The following MACROD2 variants were observed in gnomAD, a reference collection of about 807,000 sequenced individuals.
MACROD2 encodes the protein ADP-ribose glycohydrolase MACROD2.
In MACROD2, 36 loss-of-function variants were observed where a neutral mutation model predicts 70.4. The observed-to-expected ratio is 0.51, with a 90% CI of 0.39 to 0.68. The LOEUF (loss-of-function observed/expected upper bound fraction) is 0.68. MACROD2 is among the 30% of genes least tolerant of loss of function. The pLI, the probability that MACROD2 is intolerant of heterozygous loss-of-function variation, is 0.00. For missense variants in MACROD2, 496 were observed against 538.4 expected, an observed-to-expected ratio of 0.92 and a Z score of 0.78; for synonymous variants, 172 against 178.8, an observed-to-expected ratio of 0.96 and a Z score of 0.30.
intron 5 of MACROD2, among the ~76,000 whole-genome samples, chr20:14,829,014 T>G (rs1390598820): frequency 1.3e-5 from 2 of 151,634 alleles, no homozygotes; most frequent in Admixed American, 6.6e-5. Context: ...GGTAGTTTGC[T>G]GTGCCTATCA....
intron 3 of MACROD2, among the ~76,000 whole-genome samples, chr20:14,455,545 TGAG>T (rs1301455405): frequency 6.6e-6 from 1 of 151,774 alleles, no homozygotes; most frequent in African/African-American, 2.4e-5. Context: ...GTAAATTAGT[TGAG>T]GAGACAAGAG....
chr20:14,512,224 G>A (rs1416865103), intron 4 of MACROD2, among the ~76,000 whole-genome samples: 1 of 152,156 alleles, frequency 6.6e-6, no homozygotes, highest in African/African-American at 2.4e-5. Context: ...GGGGAAACTT[G>A]AGAGTGATTT....
In MACROD2 at chr20:15,191,935, G is replaced by T. The variant is rs566899511; in HGVS notation, c.419-38005G>T. Among the ~76,000 whole-genome samples the T allele has an allele frequency of 3.8e-4, 54 of 141,828 alleles. 1 individual carries two copies. The highest frequency in any genetic ancestry group is 5.7e-4 in the Non-Finnish European group (37 of 64,850). 93.0% of individuals were successfully genotyped at this position (141,828 alleles called of 152,430 possible). ...ATATGTGTATATATATATATATAGA[G>T]AGAGAGAGAGTTAATACATATATAC... On this transcript the variant is annotated intron_variant, in intron 5 of 17. Transcript: ENST00000684519.
At chr20:14,080,715 T>A (rs1289877425) in intron 2 of MACROD2, among the ~76,000 whole-genome samples, 1 of 151,992 alleles carries the variant, frequency 6.6e-6, no homozygotes, top group Non-Finnish European at 1.5e-5. Context: ...GTTGTCAACC[T>A]ATAAACTGGA....
At position 14,034,842 on chromosome 20, in the gene MACROD2, G is replaced by C. The variant is rs1300022598; in HGVS notation, c.163+32438G>C. Among the ~76,000 whole-genome samples the C allele has an allele frequency of 2.6e-5, 4 of 152,086 alleles. No individual in the cohort carries two copies. The East Asian group carries it at 7.7e-4, about 29-fold the overall frequency. ...GAACTAAGAGTTCATTGTACATTAAGAAAATTACCTTTAATCATATGTATT... is the reference window on the plus strand; with the variant it reads ...GAACTAAGAGTTCATTGTACATTAACAAAATTACCTTTAATCATATGTATT... On this transcript the variant is annotated intron_variant, in intron 2 of 17. Coordinates refer to ENST00000684519, the MANE Select transcript of MACROD2 (RefSeq NM_001351661.2).
intron 5 of MACROD2, among the ~76,000 whole-genome samples, chr20:15,127,374 C>T (rs2076074531): frequency 1.3e-5 from 2 of 152,140 alleles, no homozygotes; most frequent in South Asian, 4.1e-4. Flanking sequence ...TAGTTATCTA[C>T]TGCTGCATAA....
At chr20:15,664,896 G>A (rs1194095914) in intron 8 of MACROD2, among the ~76,000 whole-genome samples, 1 of 152,156 alleles carries the variant, frequency 6.6e-6, no homozygotes, top group Non-Finnish European at 1.5e-5. Context: ...ACAAGGTAAA[G>A]ATACAGAATA....
chr20:15,811,602 T>G (rs140594283), intron 8 of MACROD2, among the ~76,000 whole-genome samples: 338 of 152,332 alleles, frequency 2.2e-3, no homozygotes, highest in Admixed American at 4.2e-3. Flanking sequence ...TTCATAGAAT[T>G]AAGAACACAA....
At chr20:15,965,207 T>G (rs1224379985) in intron 12 of MACROD2, among the ~76,000 whole-genome samples, 1 of 152,232 alleles carries the variant, frequency 6.6e-6, no homozygotes, top group African/African-American at 2.4e-5. Context: ...TGAAATGCAT[T>G]ATGTAGAAAC....
intron 8 of MACROD2, among the ~76,000 whole-genome samples, chr20:15,763,013 T>G (rs1222747312): frequency 1.3e-5 from 2 of 152,164 alleles, no homozygotes; most frequent in African/African-American, 2.4e-5. Context: ...AATTTCAGTA[T>G]TTTGGTTTTC....
At chr20:15,070,082 C>T (rs2075607360) in intron 5 of MACROD2, among the ~76,000 whole-genome samples, 1 of 152,136 alleles carries the variant, frequency 6.6e-6, no homozygotes, top group Non-Finnish European at 1.5e-5. Context: ...TTCCCAAGGC[C>T]TTGGGAGCCC....
At chr20:14,215,056 ATTCCATCATATATC>A (rs1485998691) in intron 3 of MACROD2, among the ~76,000 whole-genome samples, 38 of 147,622 alleles carry the variant, frequency 2.6e-4, no homozygotes, top group African/African-American at 5.5e-4. Flanking sequence ...ATATATATAT[ATTCCATCATATATC>A]TATTCCATCA....
At chr20:15,134,878 G>A (rs1030486651) in intron 5 of MACROD2, among the ~76,000 whole-genome samples, 3 of 151,568 alleles carry the variant, frequency 2.0e-5, no homozygotes, top group Admixed American at 6.6e-5. Flanking sequence ...ATGATAAAGG[G>A]GATATCACCA....
At chr20:15,488,664 C>T (rs982128329) in intron 7 of MACROD2, among the ~76,000 whole-genome samples, 1 of 152,198 alleles carries the variant, frequency 6.6e-6, no homozygotes, top group African/African-American at 2.4e-5. Flanking sequence ...TATGCACCAT[C>T]GAATGCCACC....
At chr20:15,335,123 A>G (rs1387591575) in intron 6 of MACROD2, among the ~76,000 whole-genome samples, 1 of 151,802 alleles carries the variant, frequency 6.6e-6, no homozygotes, top group Non-Finnish European at 1.5e-5. Flanking sequence ...CTAACTCATG[A>G]TAGCACCAGG....
chr20:15,635,293 C>T (rs1457536029), intron 8 of MACROD2, among the ~76,000 whole-genome samples: 1 of 152,148 alleles, frequency 6.6e-6, no homozygotes, highest in African/African-American at 2.4e-5. Context: ...ATAACTTGTA[C>T]AAGTTCATAA....
At chr20:15,055,932 G>A (rs1189041023) in intron 5 of MACROD2, among the ~76,000 whole-genome samples, 3 of 151,458 alleles carry the variant, frequency 2.0e-5, no homozygotes, top group Admixed American at 6.6e-5. Flanking sequence ...GATTATAGGC[G>A]CCCACCACCA....
chr20:15,784,774 A>G lies in MACROD2; in HGVS notation c.646-77971A>G, dbSNP rs114533444. ...TGGTGGATAAATGGGGGGCCATGGT[A>G]GATTTCTTTCAACTTTTCTGAATTT... On this transcript the variant is annotated intron_variant, in intron 8 of 17. Transcript: ENST00000684519. 7.6e-3 allele frequency among the ~76,000 whole-genome samples: 1,152 copies of G among 152,286 alleles called. 11 individuals are homozygous for G. Among genetic ancestry groups the G allele is most frequent in the African/African-American group, 0.027 (1,102 of 41,572 alleles).
intron 5 of MACROD2, among the ~76,000 whole-genome samples, chr20:14,732,451 A>G (rs934139547): frequency 2.0e-5 from 3 of 152,138 alleles, no homozygotes; most frequent in Non-Finnish European, 4.4e-5. Flanking sequence ...GAAGGCAGAG[A>G]GCATTTTTAG....
Sources: allele counts gnomAD v4.1 joint callset (sites outside exome capture counted in the v4.1 genomes callset), GRCh38; gene constraint gnomAD v4.1.1; transcripts MANE v1.5; gene names NCBI Gene and HGNC (gene_info 2026-07-23, HGNC 2026-07-21).